Variants in PIK3CB observed in about 807,000 individuals in gnomAD.
PIK3CB encodes the protein phosphatidylinositol 4,5-bisphosphate 3-kinase catalytic subunit beta isoform.
Under a neutral mutation model 136.8 loss-of-function variants are expected in PIK3CB, and 39 were observed. That is an observed-to-expected ratio of 0.29 (90% CI 0.22 to 0.37). The LOEUF (loss-of-function observed/expected upper bound fraction) is 0.37, where lower values mean the gene tolerates loss of function less well. Ranked by LOEUF, PIK3CB falls within the 10% of genes least tolerant of loss-of-function variation. The probability of loss-of-function intolerance (pLI) is 1.00; values close to 1 mark genes in which losing one functional copy is unlikely to be tolerated. For synonymous variants in PIK3CB, 428 were observed against 436.6 expected, an observed-to-expected ratio of 0.98 and a Z score of 0.25; for missense variants, 868 against 1,275.4, an observed-to-expected ratio of 0.68 and a Z score of 4.87.
intron 5 of PIK3CB, among the ~76,000 whole-genome samples, chr3:138,740,450 T>C (rs2045220248): frequency 6.6e-6 from 1 of 152,310 alleles, no homozygotes; most frequent in Non-Finnish European, 1.5e-5. Context: ...GGTATTCTGT[T>C]ACAGCAGCCC....
chr3:138,673,839 T>C (rs1559804912), intron 19 of PIK3CB, among the ~76,000 whole-genome samples: 1 of 152,140 alleles, frequency 6.6e-6, no homozygotes, highest in African/African-American at 2.4e-5. Flanking sequence ...TGACAGCCAC[T>C]AGAGGAAAGA....
intron 2 of PIK3CB, among the ~76,000 whole-genome samples, chr3:138,764,820 C>T (rs2045710220): frequency 6.6e-6 from 1 of 152,148 alleles, no homozygotes; most frequent in Non-Finnish European, 1.5e-5. Context: ...ATTCTAGATT[C>T]CTGGAAACCT....
At chr3:138,683,046 T>C (rs1330904066) in intron 18 of PIK3CB, among the ~76,000 whole-genome samples, 1 of 152,158 alleles carries the variant, frequency 6.6e-6, no homozygotes, top group Non-Finnish European at 1.5e-5. Flanking sequence ...ACAAGATGTA[T>C]GAATATATTA....
At chr3:138,777,513 C>T (rs2045872290) in intron 2 of PIK3CB, among the ~76,000 whole-genome samples, 1 of 152,162 alleles carries the variant, frequency 6.6e-6, no homozygotes, top group South Asian at 2.1e-4. Context: ...TTCAATGACT[C>T]CATCCCTCAG....
At chr3:138,773,076 T>G (rs1463086830) in intron 2 of PIK3CB, among the ~76,000 whole-genome samples, 1 of 151,852 alleles carries the variant, frequency 6.6e-6, no homozygotes, top group Non-Finnish European at 1.5e-5. Context: ...GCCCAGCTAT[T>G]TATTCTTAAT....
chr3:138,784,519 C>CA (rs2045953877), intron 2 of PIK3CB, among the ~76,000 whole-genome samples: 1 of 152,186 alleles, frequency 6.6e-6, no homozygotes, highest in Non-Finnish European at 1.5e-5. Flanking sequence ...CGGCTCACTG[C>CA]AACCTCCCTG....
chr3:138,698,525 T>C (rs1260292334), intron 13 of PIK3CB, among the ~76,000 whole-genome samples: 1 of 152,204 alleles, frequency 6.6e-6, no homozygotes, highest in East Asian at 1.9e-4. Context: ...CTGTAATAGA[T>C]GTAATTTTCA....
intron 19 of PIK3CB, among the ~76,000 whole-genome samples, chr3:138,665,645 T>C (rs548069541): frequency 5.9e-5 from 9 of 152,304 alleles, no homozygotes; most frequent in African/African-American, 1.9e-4. Context: ...CTCAGTTCAT[T>C]ACAGCCTCTA....
chr3:138,756,130 A>G, intron 3 of PIK3CB, 151 bp from the exon 4 acceptor site: 1 of 455,818 alleles, frequency 2.2e-6, no homozygotes, highest in East Asian at 3.4e-5. Context: ...AATGAATTAT[A>G]GAATATTACA....
chr3:138,734,518 T>C (rs2045059695), intron 7 of PIK3CB, 116 bp downstream of exon 7: 2 of 622,650 alleles, frequency 3.2e-6, no homozygotes, highest in African/African-American at 3.7e-5. Context: ...TTTTGGCAAA[T>C]ATGTATTGGT....
chr3:138,677,892 G>A (rs999299108), intron 19 of PIK3CB, among the ~76,000 whole-genome samples: 12 of 151,908 alleles, frequency 7.9e-5, no homozygotes, highest in Admixed American at 5.2e-4. Flanking sequence ...GGAAACTCCC[G>A]TTTCAAACAA....
intron 3 of PIK3CB, 29 bp downstream of exon 3, chr3:138,759,144 A>T (rs199875604): frequency 5.7e-5 from 83 of 1,446,730 alleles, no homozygotes; most frequent in Non-Finnish European, 7.9e-5. Context: ...AGTATGCTAA[A>T]CACATAGAAA....
Position 138,707,109 on chromosome 3 carries a change from T to A in PIK3CB, c.1530+50A>T, listed in dbSNP as rs1354830552. The stretch of plus-strand genomic sequence containing the variant: ...GAGCTTAAACTATACATAGAGGAAC[T>A]GATCATTCAATCATTTCATGCATAG... On this transcript the variant is annotated intron_variant, in intron 11 of 23. Transcript: ENST00000674063. The A allele has an allele frequency of 4.6e-6, 5 of 1,097,252 alleles. No individual in the cohort carries two copies. In the African/African-American group the frequency reaches 7.7e-5, roughly 17 times the overall value. 68.0% of individuals were successfully genotyped at this position (1,097,252 alleles called of 1,614,324 possible). A position where few individuals can be genotyped will look rare whatever the true frequency, so the allele number is the denominator to read the frequency against.
At chr3:138,715,859 T>C (rs1398267793) in intron 8 of PIK3CB, among the ~76,000 whole-genome samples, 1 of 151,926 alleles carries the variant, frequency 6.6e-6, no homozygotes, top group Non-Finnish European at 1.5e-5. Flanking sequence ...AAAAGATGAC[T>C]GACTTAATAA....
chr3:138,669,214 C>A (rs936359339), intron 19 of PIK3CB, among the ~76,000 whole-genome samples: 2 of 151,346 alleles, frequency 1.3e-5, no homozygotes, highest in African/African-American at 4.8e-5. Flanking sequence ...GAGTTTAAGA[C>A]CAGCCTGGGC....
intron 8 of PIK3CB, among the ~76,000 whole-genome samples, chr3:138,730,362 G>A (rs937334215): frequency 1.3e-5 from 2 of 152,064 alleles, no homozygotes; most frequent in African/African-American, 4.8e-5. Flanking sequence ...AATAAAACAC[G>A]AATGAAGGCT....
At chr3:138,824,679 G>A (rs1251041301) in intron 1 of PIK3CB, among the ~76,000 whole-genome samples, 1 of 150,980 alleles carries the variant, frequency 6.6e-6, no homozygotes, top group Admixed American at 6.6e-5. Context: ...GGCAACAAGA[G>A]CAAAACTCCA....
intron 18 of PIK3CB, 117 bp downstream of exon 18, chr3:138,683,561 T>C (rs892774859): frequency 1.7e-5 from 11 of 646,814 alleles, no homozygotes; most frequent in Non-Finnish European, 3.0e-5. Context: ...CATTAATAGC[T>C]ACCTTCCTGG....
At chr3:138,764,026 G>A (rs965237685) in intron 2 of PIK3CB, among the ~76,000 whole-genome samples, 1 of 151,012 alleles carries the variant, frequency 6.6e-6, no homozygotes. Flanking sequence ...CAGGAGAATC[G>A]CTTGAACTCG....
Sources: allele counts gnomAD v4.1 joint callset (sites outside exome capture counted in the v4.1 genomes callset), GRCh38; gene constraint gnomAD v4.1.1; transcripts MANE v1.5; gene names NCBI Gene and HGNC (gene_info 2026-07-23, HGNC 2026-07-21).